The following ZNF100 variants were observed in gnomAD, a reference collection of about 807,000 sequenced individuals.
The protein encoded by ZNF100 is zinc finger protein 100, also known as zinc finger protein 100 (Y1).
In ZNF100, 12 loss-of-function variants were observed where a neutral mutation model predicts 15.8. That is an observed-to-expected ratio of 0.76 (90% confidence interval 0.49 to 1.23). ZNF100 has a LOEUF of 1.23. Among genes scored for constraint, ZNF100 ranks in the 50% most tolerant of loss-of-function variants. The pLI is 0.00. For synonymous variants in ZNF100, 226 were observed against 214.8 expected (o/e 1.05, Z -0.45); for missense variants, 670 against 635.6 (o/e 1.05, Z -0.58).
chr19:21,763,884 CCTGTT>C (rs1253415748), intron 2 of ZNF100, among the ~76,000 whole-genome samples: 2 of 152,100 alleles, frequency 1.3e-5, no homozygotes, highest in African/African-American at 4.8e-5. Context: ...TGGTATTCCT[CCTGTT>C]CTAATACTTT....
chr19:21,766,928 A>C (rs2036572790), intron 1 of ZNF100, among the ~76,000 whole-genome samples: 2 of 152,088 alleles, frequency 1.3e-5, no homozygotes, highest in Admixed American at 1.3e-4. Context: ...CGGGAGGCGG[A>C]GGTTGCAGTG....
At chr19:21,747,083 T>G (rs10421113) in intron 2 of ZNF100, among the ~76,000 whole-genome samples, 1 of 151,914 alleles carries the variant, frequency 6.6e-6, no homozygotes, top group Non-Finnish European at 1.5e-5. Context: ...TCTCCTTTCC[T>G]GTCTCAGGTG....
Position 21,755,083 on chromosome 19 carries a change from C to T in ZNF100, c.97-10016G>A, listed in dbSNP as rs374784812. Among the ~76,000 whole-genome samples, 45 of 152,244 alleles carry T rather than the reference C, an allele frequency of 3.0e-4. No individual in the cohort carries two copies. The South Asian group carries it at 4.8e-3, about 16-fold the overall frequency. On this transcript the variant is annotated intron_variant, in intron 2 of 4. Transcript: ENST00000358296. ...ATCCCAGCACTTTGGGAGGCCGAGG[C>T]GGCTGGATCACCTGAGGTCGGGAGT...
At chr19:21,757,885 T>C (rs1568310499) in intron 2 of ZNF100, among the ~76,000 whole-genome samples, 2 of 151,686 alleles carry the variant, frequency 1.3e-5, no homozygotes, top group Admixed American at 6.6e-5. Flanking sequence ...AAAATAAAAA[T>C]AATTAGGCAG....
At position 21,725,144 on chromosome 19, in the gene ZNF100, A is replaced by G. The variant is rs2035754055; in HGVS notation, c.*1539T>C. 1 of 152,254 alleles carries G rather than the reference A, an allele frequency of 6.6e-6. No homozygotes were observed. The highest frequency in any genetic ancestry group is 1.5e-5 in the Non-Finnish European group (1 of 68,042). The allele number at this position is 152,254 out of a possible 1,614,324, so 9.4% of individuals were successfully genotyped here. A position where few individuals can be genotyped will look rare whatever the true frequency, so the allele number is the denominator to read the frequency against. The stretch of plus-strand genomic sequence containing the variant: ...AAAGCCACTAGCAAAAGAGATTACT[A>G]GAGATGTTAATCCATTATGTTACCA... On this transcript the variant is annotated 3_prime_UTR_variant, in exon 5 of 5. Coordinates refer to ENST00000358296, the MANE Select transcript of ZNF100 (RefSeq NM_173531.4).
intron 4 of ZNF100, among the ~76,000 whole-genome samples, chr19:21,738,200 G>A (rs1328061816): frequency 2.1e-5 from 3 of 140,302 alleles, no homozygotes; most frequent in East Asian, 2.3e-4. Context: ...GCAATGAGCC[G>A]AGATGGTGCC....
At chr19:21,760,776 A>C (rs1427919967) in intron 2 of ZNF100, among the ~76,000 whole-genome samples, 2 of 65,316 alleles carry the variant, frequency 3.1e-5, no homozygotes, top group Admixed American at 3.9e-4. Context: ...TTTTTTTTTG[A>C]GATGGAGTCT....
Position 21,727,344 on chromosome 19 carries a change from C to T in ZNF100, c.968G>A (p.Gly323Asp), listed in dbSNP as rs754227835. ...GVKPYKCTEC[G>D]KAFNRSSHLT... is the part of the protein sequence containing the mutation. ...GTGTGAGGACCGGTTAAAAGCTTTG[C>T]CACATTCTGTACATTTGTAGGGTTT... The change falls in exon 5 of 5, where the codon GGC becomes GAC. Residue 323 changes from glycine to aspartate, a missense_variant. Physicochemically the swap from Gly to Asp is moderately conservative, Grantham distance 94. Transcript: ENST00000358296. 1.2e-6 allele frequency: 2 copies of T among 1,612,554 alleles called. No homozygotes were observed. Among genetic ancestry groups the T allele is most frequent in the South Asian group, 2.2e-5 (2 of 91,076 alleles).
At chr19:21,743,884 A>T in intron 4 of ZNF100, 133 bp downstream of exon 4, 2 of 1,017,310 alleles carry the variant, frequency 2.0e-6, no homozygotes, top group Non-Finnish European at 2.7e-6. Flanking sequence ...AGCCCAAAAA[A>T]CAAAAACACT....
chr19:21,746,422 A>C (rs1250059588), intron 2 of ZNF100, among the ~76,000 whole-genome samples: 1 of 152,188 alleles, frequency 6.6e-6, no homozygotes, highest in Non-Finnish European at 1.5e-5. Flanking sequence ...TATTTTCTTA[A>C]TCCTGTTCTG....
intron 4 of ZNF100, among the ~76,000 whole-genome samples, chr19:21,734,200 G>C (rs1300588601): frequency 6.6e-6 from 1 of 152,130 alleles, no homozygotes; most frequent in African/African-American, 2.4e-5. Context: ...GCACAGAACC[G>C]GGAGAAGCCT....
chr19:21,767,157 TGA>T (rs1397619107), intron 1 of ZNF100, among the ~76,000 whole-genome samples: 1 of 152,162 alleles, frequency 6.6e-6, no homozygotes, highest in Non-Finnish European at 1.5e-5. Flanking sequence ...CTGCACAATC[TGA>T]GAGAGACGCG....
At chr19:21,733,181 ATT>A (rs1233008295) in intron 4 of ZNF100, among the ~76,000 whole-genome samples, 9 of 152,178 alleles carry the variant, frequency 5.9e-5, no homozygotes, top group Non-Finnish European at 1.2e-4. Flanking sequence ...CACATATAGA[ATT>A]TTTTTACTAT....
chr19:21,754,580 C>T (rs952123217), intron 2 of ZNF100, among the ~76,000 whole-genome samples: 1 of 152,010 alleles, frequency 6.6e-6, no homozygotes, highest in African/African-American at 2.4e-5. Context: ...AACTGGCTAG[C>T]CATATGCAGA....
intron 4 of ZNF100, among the ~76,000 whole-genome samples, chr19:21,729,644 T>G (rs2035878171): frequency 6.6e-6 from 1 of 152,038 alleles, no homozygotes; most frequent in Admixed American, 6.6e-5. Context: ...CTGGGAAAGA[T>G]TATATGCACA....
At chr19:21,764,161 T>C (rs955137337) in intron 2 of ZNF100, among the ~76,000 whole-genome samples, 1 of 152,156 alleles carries the variant, frequency 6.6e-6, no homozygotes, top group African/African-American at 2.4e-5. Context: ...ACAAGGCCGT[T>C]ATTAAATTTC....
At position 21,755,078 on chromosome 19, in the gene ZNF100, C is replaced by T. The variant is rs558789817; in HGVS notation, c.97-10011G>A. Among the ~76,000 whole-genome samples, 5 of 152,218 alleles carry T rather than the reference C, an allele frequency of 3.3e-5. No homozygotes were observed. The East Asian group carries it at 9.7e-4, about 29-fold the overall frequency. On this transcript the variant is annotated intron_variant, in intron 2 of 4. Transcript: ENST00000358296. The stretch of plus-strand genomic sequence containing the variant: ...CTGTAATCCCAGCACTTTGGGAGGC[C>T]GAGGCGGCTGGATCACCTGAGGTCG...
At chr19:21,743,883 A>G (rs572160041) in intron 4 of ZNF100, 134 bp downstream of exon 4, 12 of 1,012,378 alleles carry the variant, frequency 1.2e-5, no homozygotes, top group Middle Eastern at 2.2e-4. Context: ...AAGCCCAAAA[A>G]ACAAAAACAC....
intron 2 of ZNF100, among the ~76,000 whole-genome samples, chr19:21,749,833 A>C (rs372680504): frequency 2.0e-5 from 3 of 152,180 alleles, no homozygotes; most frequent in African/African-American, 7.2e-5. Flanking sequence ...ACAATACAGA[A>C]AATGCCTTCT....
Sources: gnomAD v4.1 joint callset for allele counts (sites outside exome capture counted in the v4.1 genomes callset) on GRCh38, gnomAD v4.1.1 for gene constraint, MANE v1.5 for transcripts, NCBI Gene and HGNC (gene_info 2026-07-23, HGNC 2026-07-21) for gene names.